Variants in BDH2 observed in about 807,000 individuals in gnomAD.
BDH2 encodes dehydrogenase/reductase SDR family member 6.
A neutral mutation model predicts 33.2 loss-of-function variants in BDH2; 24 were observed. The observed-to-expected ratio is 0.72, with a 90% CI of 0.52 to 1.02. The LOEUF is 1.02. Ranked by LOEUF, BDH2 falls within the 50% of genes least tolerant of loss-of-function variation. BDH2 has a pLI of 0.00. For synonymous variants in BDH2, 81 were observed against 101.6 expected (o/e 0.80, Z 1.22); for missense variants, 249 against 301.6 (o/e 0.83, Z 1.29).
rs1747422219 is a variant in BDH2, at chr4:103,079,835, G to A, written c.685-80C>T. The A allele has an allele frequency of 3.0e-6, 4 of 1,320,740 alleles. No individual in the cohort carries two copies. The South Asian group carries it at 3.6e-5, about 12-fold the overall frequency. The allele number at this position is 1,320,740 out of a possible 1,614,324, so 81.8% of individuals were successfully genotyped here. A position where few individuals can be genotyped will look rare whatever the true frequency, so the allele number is the denominator to read the frequency against. On this transcript the variant is annotated intron_variant, in intron 9 of 9. Coordinates refer to ENST00000296424, the MANE Select transcript of BDH2 (RefSeq NM_020139.4). ...TATTTTGAAATTTTCCTGTGACTAG[G>A]ATAACTAAACAATTTACCCTTGTCC...
intron 1 of BDH2, chr4:103,097,841 ACT>A (rs1748482343): frequency 6.6e-6 from 1 of 151,370 alleles, no homozygotes; most frequent in South Asian, 2.1e-4. Context: ...CTACACAATC[ACT>A]CTGTTCCATT....
chr4:103,087,559 C>T lies in BDH2; in HGVS notation c.358-1019G>A, dbSNP rs192482651. Among the ~76,000 whole-genome samples the T allele has an allele frequency of 2.6e-5, 4 of 152,284 alleles. No homozygotes were observed. In the East Asian group the frequency reaches 7.7e-4, roughly 29 times the overall value. On this transcript the variant is annotated intron_variant, in intron 5 of 9. Coordinates refer to ENST00000296424, the MANE Select transcript of BDH2 (RefSeq NM_020139.4). ...AATTTAGGGCAGTGTTTCCTAAGAA[C>T]ACCTTCTTCAGAATTCCCCCACTAA... is the stretch of plus-strand genomic sequence containing the variant.
At chr4:103,089,365 T>A (rs1747960296) in intron 5 of BDH2, among the ~76,000 whole-genome samples, 1 of 152,232 alleles carries the variant, frequency 6.6e-6, no homozygotes, top group South Asian at 2.1e-4. Flanking sequence ...ACCTAAGGAC[T>A]TCTGATGATA....
chr4:103,095,274 GCAAAAGCCTAGT>G lies in BDH2; in HGVS notation c.73-5_79del. On this transcript the variant is annotated splice_acceptor_variant and splice_polypyrimidine_tract_variant and coding_sequence_variant and intron_variant, in exon 3 of 10. Coordinates refer to ENST00000296424, the MANE Select transcript of BDH2 (RefSeq NM_020139.4). ...GGCTATGACTTTGGCACCTTCTCTT[GCAAAAGCCTAGT>G]AGACACAAAGTACAAATAAATCCTT... is the stretch of plus-strand genomic sequence containing the variant. 2 of 1,612,998 alleles carry G rather than the reference GCAAAAGCCTAGT, an allele frequency of 1.2e-6. No individual in the cohort carries two copies. Among genetic ancestry groups the G allele is most frequent in the South Asian group, 1.1e-5 (1 of 91,058 alleles).
chr4:103,080,657 C>T (rs1747465570), intron 9 of BDH2, among the ~76,000 whole-genome samples: 1 of 152,206 alleles, frequency 6.6e-6, no homozygotes, highest in African/African-American at 2.4e-5. Flanking sequence ...TTTTAAAAGA[C>T]AAGCTCTGTT....
At chr4:103,086,825 A>C (rs1382527067) in intron 5 of BDH2, among the ~76,000 whole-genome samples, 2 of 152,206 alleles carry the variant, frequency 1.3e-5, no homozygotes, top group Non-Finnish European at 2.9e-5. Flanking sequence ...GTGAATGCTG[A>C]CTTAAATGAA....
intron 1 of BDH2, among the ~76,000 whole-genome samples, chr4:103,097,225 A>G (rs1443168616): frequency 2.0e-5 from 3 of 152,236 alleles, no homozygotes; most frequent in East Asian, 1.9e-4. Context: ...TTAGACTTCC[A>G]GACTCTTGCT....
chr4:103,096,482 C>T (rs1052453263), intron 1 of BDH2, among the ~76,000 whole-genome samples: 1 of 151,192 alleles, frequency 6.6e-6, no homozygotes, highest in African/African-American at 2.4e-5. Flanking sequence ...GTATATCAAA[C>T]ACATTTACCA....
intron 2 of BDH2, 87 bp from the exon 3 acceptor site, chr4:103,095,368 T>C: frequency 1.0e-6 from 1 of 976,332 alleles, no homozygotes. Context: ...TTTTTCTCCT[T>C]TATCTTATTT....
chr4:103,085,773 T>C, intron 6 of BDH2: 5 of 1,331,480 alleles, frequency 3.8e-6, no homozygotes, highest in South Asian at 1.2e-5. Context: ...AAATGAAGAT[T>C]AATAACAAAA....
chr4:103,095,480 T>C (rs1748357498), intron 2 of BDH2, among the ~76,000 whole-genome samples, 199 bp from the exon 3 acceptor site: 1 of 152,174 alleles, frequency 6.6e-6, no homozygotes, highest in South Asian at 2.1e-4. Context: ...CAATGTGACA[T>C]ACATTGTGCT....
chr4:103,089,390 G>A (rs1747962494), intron 5 of BDH2, among the ~76,000 whole-genome samples: 1 of 152,204 alleles, frequency 6.6e-6, no homozygotes, highest in African/African-American at 2.4e-5. Context: ...CCAAGACCAG[G>A]ATTCGATTTT....
intron 3 of BDH2, among the ~76,000 whole-genome samples, chr4:103,094,157 C>T (rs11726284): frequency 0.066 from 9,973 of 152,168 alleles, 407 homozygotes; most frequent in South Asian, 0.17. Flanking sequence ...TAGGGTTTCT[C>T]ATGATGATGT....
At chr4:103,085,257 C>T in intron 7 of BDH2, 92 bp downstream of exon 7, 3 of 941,530 alleles carry the variant, frequency 3.2e-6, no homozygotes, top group Non-Finnish European at 4.9e-6. Context: ...GCCTTTGTAG[C>T]ATGAAAACAG....
intron 9 of BDH2, among the ~76,000 whole-genome samples, chr4:103,081,083 C>T (rs1747502086): frequency 6.6e-6 from 1 of 152,216 alleles, no homozygotes; most frequent in Non-Finnish European, 1.5e-5. Context: ...CCTCTTCTCA[C>T]ACATTACAGT....
At position 103,077,920 on chromosome 4, in the gene BDH2, G is replaced by A. The variant is rs1466350275; in HGVS notation, c.*1782C>T. 6.6e-6 allele frequency among the ~76,000 whole-genome samples: 1 copy of A among 152,190 alleles called. No individual in the cohort carries two copies. Among genetic ancestry groups the A allele is most frequent in the African/African-American group, 2.4e-5 (1 of 41,446 alleles). ...GTAGTGCCCGGTCCAAAACCTCATAGATAATCTTATAATCAATGGACTCTT... is the reference window on the plus strand; with the variant it reads ...GTAGTGCCCGGTCCAAAACCTCATAAATAATCTTATAATCAATGGACTCTT... On this transcript the variant is annotated 3_prime_UTR_variant, in exon 10 of 10. Coordinates refer to ENST00000296424, the MANE Select transcript of BDH2 (RefSeq NM_020139.4).
rs945173338 is a variant in BDH2, at chr4:103,078,791, G to T, written c.*911C>A. ...TATTATTATTTAGGTACAGGGTCTT[G>T]CTCTGTCACCCTGGAGTGCAGTGGC... On this transcript the variant is annotated 3_prime_UTR_variant, in exon 10 of 10. Transcript: ENST00000296424. 6.6e-6 allele frequency among the ~76,000 whole-genome samples: 1 copy of T among 151,526 alleles called. No individual in the cohort carries two copies. Among genetic ancestry groups the T allele is most frequent in the Non-Finnish European group, 1.5e-5 (1 of 68,002 alleles).
intron 5 of BDH2, 45 bp from the exon 6 acceptor site, chr4:103,086,585 G>T: frequency 6.4e-7 from 1 of 1,556,968 alleles, no homozygotes. Context: ...TCCACTTTGT[G>T]GGCTAAAATA....
At chr4:103,081,969 G>T in intron 9 of BDH2, 112 bp downstream of exon 9, 1 of 780,766 alleles carries the variant, frequency 1.3e-6, no homozygotes, top group Non-Finnish European at 2.1e-6. Context: ...TATAAATGTA[G>T]CATCTTAGCA....
Sources: allele counts gnomAD v4.1 joint callset (sites outside exome capture counted in the v4.1 genomes callset), GRCh38; gene constraint gnomAD v4.1.1; transcripts MANE v1.5; gene names NCBI Gene and HGNC (gene_info 2026-07-23, HGNC 2026-07-21).